The following ABCC8 variants were observed in gnomAD, a reference collection of about 807,000 sequenced individuals.
ABCC8 encodes the protein ATP-binding cassette sub-family C member 8.
In ABCC8, 137 loss-of-function variants were observed where a neutral mutation model predicts 188.0. The ratio of observed to expected loss-of-function variants is 0.73; its 90% CI spans 0.63 to 0.84. The LOEUF (loss-of-function observed/expected upper bound fraction) is 0.84, where lower values mean the gene tolerates loss of function less well. Ranked by LOEUF, ABCC8 falls within the 40% of genes least tolerant of loss-of-function variation. The pLI, the probability that ABCC8 is intolerant of heterozygous loss-of-function variation, is 0.00. For missense variants in ABCC8, 1,750 were observed against 2,072.7 expected (o/e 0.84, Z 3.02); for synonymous variants, 797 against 846.5 (o/e 0.94, Z 1.01).
rs1416583971 is a variant in ABCC8 at position 17,427,853 on chromosome 11, G to C, written c.2116+14C>G. On this transcript the variant is annotated intron_variant, in intron 15 of 38. Coordinates refer to ENST00000389817, the MANE Select transcript of ABCC8 (RefSeq NM_000352.6). This position sits in a 1 kb window ranked among gnomAD's most constrained non-coding sequence, Gnocchi z 5.0. The stretch of plus-strand genomic sequence containing the variant: ...ATGGGGAGGGGCATGCTGGAGGGGT[G>C]GACTGGGCCATACCTCGGGGGATAC... 1 of 1,613,776 alleles carries C rather than the reference G, an allele frequency of 6.2e-7. No homozygotes were observed. Among genetic ancestry groups the C allele is most frequent in the Non-Finnish European group, 8.5e-7 (1 of 1,179,914 alleles).
At position 17,413,583 on chromosome 11, in the gene ABCC8, C is replaced by T. The variant is rs941619311; in HGVS notation, c.2391-105G>A. The T allele has an allele frequency of 1.1e-5, 17 of 1,608,516 alleles. No homozygotes were observed. In the East Asian group the frequency reaches 3.3e-4, roughly 32 times the overall value. The stretch of plus-strand genomic sequence containing the variant: ...TCTGGGTAGCTATGCCCAGGGTGAG[C>T]AATGGCTTTAATAGGCCTCCCGCTT... On this transcript the variant is annotated intron_variant, in intron 19 of 38. Coordinates refer to ENST00000389817, the MANE Select transcript of ABCC8 (RefSeq NM_000352.6).
intron 2 of ABCC8, among the ~76,000 whole-genome samples, chr11:17,473,275 G>A (rs1848578702): frequency 6.6e-6 from 1 of 152,074 alleles, no homozygotes; most frequent in Non-Finnish European, 1.5e-5. Context: ...TGTAGGGGTG[G>A]GGGTGGAGGC....
chr11:17,448,405 C>T, intron 8 of ABCC8, 111 bp downstream of exon 8: 2 of 978,644 alleles, frequency 2.0e-6, no homozygotes, highest in Non-Finnish European at 1.6e-6. Context: ...GTGAAAGGTA[C>T]AGGCAAGCAT....
intron 2 of ABCC8, among the ~76,000 whole-genome samples, chr11:17,473,182 C>A (rs943494302): frequency 1.3e-5 from 2 of 151,694 alleles, no homozygotes; most frequent in African/African-American, 4.8e-5. Context: ...TCTCCAAGGG[C>A]GGAGGTGTCT....
rs777782253 is a variant in ABCC8 at position 17,397,240 on chromosome 11, A to C, written c.3941T>G (p.Ile1314Ser). 6.2e-7 allele frequency: 1 copy of C among 1,613,698 alleles called. No individual in the cohort carries two copies. The highest frequency in any genetic ancestry group is 1.1e-5 in the South Asian group (1 of 91,072). The change falls in exon 32 of 39, where the codon ATC (isoleucine) becomes AGC (serine). Residue 1314 changes from isoleucine (I) to serine (S), a missense_variant. By Grantham distance (142) the Ile-to-Ser change is moderately radical. Coordinates refer to ENST00000389817, the MANE Select transcript of ABCC8 (RefSeq NM_000352.6). ...TGCCTCGGTTTTCAGGAGCCCATGG[A>C]TGCGCTTCACAGCCCCCAGCTGGAG... Reference protein sequence around the residue: ...MELQLGAVKRIHGLLKTEAES... With the variant: ...MELQLGAVKRSHGLLKTEAES...
At chr11:17,430,686 A>T in intron 12 of ABCC8, 128 bp downstream of exon 12, 3 of 1,138,108 alleles carry the variant, frequency 2.6e-6, no homozygotes, top group Non-Finnish European at 4.0e-6. Flanking sequence ...AGGACCAGCT[A>T]CAGCAAGGCC....
chr11:17,425,018 T>A (rs1328917899), intron 16 of ABCC8, among the ~76,000 whole-genome samples: 1 of 152,226 alleles, frequency 6.6e-6, no homozygotes, highest in Non-Finnish European at 1.5e-5. Context: ...CAGCTCACAG[T>A]GCACTGGGGA....
At chr11:17,432,387 G>T in intron 10 of ABCC8, 143 bp from the exon 11 acceptor site, 2 of 1,495,858 alleles carry the variant, frequency 1.3e-6, no homozygotes, top group South Asian at 1.3e-5. Context: ...CAGAACTCTA[G>T]CCCTGTGGCA....
intron 3 of ABCC8, among the ~76,000 whole-genome samples, chr11:17,466,994 A>T (rs1368353134): frequency 6.6e-6 from 1 of 151,770 alleles, no homozygotes; most frequent in African/African-American, 2.4e-5. Context: ...ACAGAACACT[A>T]TACTTAAAAA....
Position 17,436,002 on chromosome 11 carries a change from A to G in ABCC8, c.1631-3758T>C, listed in dbSNP as rs1956079458. 3 of 1,534,924 alleles carry G rather than the reference A, an allele frequency of 2.0e-6. No homozygotes were observed. In the South Asian group the frequency reaches 3.4e-5, roughly 17 times the overall value. ...TGGACATCGCCATGGGAAGAGACCA[A>G]CTGTAGATAGTGATGTGGGGAGATA... On this transcript the variant is annotated intron_variant, in intron 10 of 38. Transcript: ENST00000389817.
intron 16 of ABCC8, among the ~76,000 whole-genome samples, chr11:17,426,446 A>G (rs967092518): frequency 6.6e-6 from 1 of 152,182 alleles, no homozygotes; most frequent in Non-Finnish European, 1.5e-5. Context: ...AACTAGTTTC[A>G]AGTGCTTCTT....
At chr11:17,401,652 C>G (rs1954250360) in intron 29 of ABCC8, among the ~76,000 whole-genome samples, 1 of 152,190 alleles carries the variant, frequency 6.6e-6, no homozygotes, top group Non-Finnish European at 1.5e-5. Context: ...CCTATTATCA[C>G]TCTCTGGATG....
At position 17,402,720 on chromosome 11, in the gene ABCC8, A is replaced by C. The variant is rs764985838; in HGVS notation, c.3591T>G (p.Leu1197=). 3.1e-6 allele frequency: 5 copies of C among 1,614,186 alleles called. No homozygotes were observed. Among genetic ancestry groups the C allele is most frequent in the Non-Finnish European group, 2.5e-6 (3 of 1,180,020 alleles). Residue 1197 remains leucine (L), a synonymous_variant, in exon 29 of 39, where the codon CTT becomes CTG. Transcript: ENST00000389817. ...DLQQLDDTTQ[L]PLLSHFAETV... is the part of the protein sequence containing the mutation. ...TTTCGGCAAAGTGTGAGAGAAGTGG[A>C]AGCTGGGTGGTGTCATCCAGCTGCT...
chr11:17,401,032 T>C (rs1954214258), intron 29 of ABCC8, among the ~76,000 whole-genome samples: 1 of 152,230 alleles, frequency 6.6e-6, no homozygotes, highest in South Asian at 2.1e-4. Flanking sequence ...TGGGTAGCAG[T>C]GGCTCTGGCT....
intron 10 of ABCC8, among the ~76,000 whole-genome samples, chr11:17,434,006 C>T (rs1366553077): frequency 2.0e-5 from 3 of 152,140 alleles, no homozygotes; most frequent in Non-Finnish European, 4.4e-5. Context: ...CTAGGACATA[C>T]GACATAGTGC....
At position 17,414,626 on chromosome 11, in the gene ABCC8, C is replaced by A; in HGVS notation, c.2292-16G>T. On this transcript the variant is annotated splice_polypyrimidine_tract_variant and intron_variant, in intron 18 of 38. Coordinates refer to ENST00000389817, the MANE Select transcript of ABCC8 (RefSeq NM_000352.6). The stretch of plus-strand genomic sequence containing the variant: ...GCCTCTCTTCCTGGAAAAAGCAGGG[C>A]GGGAGTAGGGGGTGCGGAAGGCATT... The A allele has an allele frequency of 1.2e-6, 2 of 1,613,996 alleles. No homozygotes were observed. The highest frequency in any genetic ancestry group is 1.1e-5 in the South Asian group (1 of 91,086).
chr11:17,468,437 C>A (rs574815333), intron 3 of ABCC8, among the ~76,000 whole-genome samples: 1 of 152,182 alleles, frequency 6.6e-6, no homozygotes, highest in Non-Finnish European at 1.5e-5. Context: ...GGCAGACCTG[C>A]GGATTGATAC....
At chr11:17,457,847 C>T (rs74654259) in intron 6 of ABCC8, among the ~76,000 whole-genome samples, 2,025 of 152,316 alleles carry the variant, frequency 0.013, 44 homozygotes, top group African/African-American at 0.047. Flanking sequence ...ACAGGTGCCT[C>T]GCTGTGCCAA....
At chr11:17,474,797 G>T in intron 2 of ABCC8, 89 bp downstream of exon 2, 1 of 1,392,570 alleles carries the variant, frequency 7.2e-7, no homozygotes. Flanking sequence ...ATGGGCTTGT[G>T]GAATATAGGT....
Sources: allele counts gnomAD v4.1 joint callset (sites outside exome capture counted in the v4.1 genomes callset), GRCh38; gene constraint gnomAD v4.1.1; non-coding constraint Gnocchi (gnomAD v3.1); transcripts MANE v1.5; gene names NCBI Gene and HGNC (gene_info 2026-07-23, HGNC 2026-07-21).